PACRG: variants seen among roughly 807,000 people sequenced by gnomAD.
The protein encoded by PACRG is parkin coregulated, also known as parkin coregulated gene protein.
Under a neutral mutation model 29.7 loss-of-function variants are expected in PACRG, and 29 were observed. The ratio of observed to expected loss-of-function variants is 0.98; its 90% CI spans 0.73 to 1.33. The LOEUF is 1.33. PACRG is among the 40% of genes most tolerant of loss of function. The probability of loss-of-function intolerance (pLI) is 0.00; values close to 1 mark genes in which losing one functional copy is unlikely to be tolerated. For missense variants in PACRG, 279 were observed against 316.2 expected, an observed-to-expected ratio of 0.88 and a Z score of 0.89; for synonymous variants, 116 against 118.7, an observed-to-expected ratio of 0.98 and a Z score of 0.15.
chr6:163,203,918 G>A (rs1424709373), intron 4 of PACRG, among the ~76,000 whole-genome samples: 3 of 152,300 alleles, frequency 2.0e-5, no homozygotes, highest in Non-Finnish European at 2.9e-5. Context: ...AGTTGTTGGC[G>A]GCATTTCATA....
chr6:163,028,147 T>C (rs995684689), intron 2 of PACRG, among the ~76,000 whole-genome samples: 1 of 152,168 alleles, frequency 6.6e-6, no homozygotes, highest in African/African-American at 2.4e-5. Flanking sequence ...GAAGTAAGTT[T>C]TATAAACAGC....
At chr6:162,744,866 C>A (rs1194245758) in intron 1 of PACRG, among the ~76,000 whole-genome samples, 2 of 151,796 alleles carry the variant, frequency 1.3e-5, no homozygotes, top group Non-Finnish European at 2.9e-5. Context: ...AATCAGAAAA[C>A]AATGGAGAAA....
At chr6:163,195,400 A>G (rs1329231356) in intron 4 of PACRG, among the ~76,000 whole-genome samples, 10 of 152,100 alleles carry the variant, frequency 6.6e-5, no homozygotes, top group Admixed American at 2.0e-4. Flanking sequence ...CTATCTCCTC[A>G]TGTGGGTTCT....
chr6:163,116,849 G>A (rs915125408), intron 4 of PACRG, among the ~76,000 whole-genome samples: 13 of 152,294 alleles, frequency 8.5e-5, no homozygotes, highest in Admixed American at 3.3e-4. Context: ...TGGTGATGCC[G>A]TTTTCAGCAC....
At chr6:163,274,162 T>C (rs1199763042) in intron 4 of PACRG, among the ~76,000 whole-genome samples, 4 of 152,208 alleles carry the variant, frequency 2.6e-5, no homozygotes, top group Admixed American at 6.5e-5. Flanking sequence ...GTAAATCTCC[T>C]AATGCTATCC....
chr6:162,742,377 C>T (rs545451879), intron 1 of PACRG, among the ~76,000 whole-genome samples: 6 of 152,272 alleles, frequency 3.9e-5, no homozygotes, highest in African/African-American at 1.4e-4. Context: ...TTTCGCCTTC[C>T]ACCATGATTG....
chr6:163,234,425 C>T (rs1028205799), intron 4 of PACRG, among the ~76,000 whole-genome samples: 1 of 152,154 alleles, frequency 6.6e-6, no homozygotes, highest in Non-Finnish European at 1.5e-5. Flanking sequence ...CTGCACACAC[C>T]AGCTCCCCTT....
chr6:163,211,573 A>C (rs1781143386), intron 4 of PACRG, among the ~76,000 whole-genome samples: 1 of 152,202 alleles, frequency 6.6e-6, no homozygotes, highest in African/African-American at 2.4e-5. Flanking sequence ...AAGCCTTTGG[A>C]CAAGAACACA....
chr6:162,799,805 G>A (rs1022120837), intron 1 of PACRG, among the ~76,000 whole-genome samples: 17 of 152,172 alleles, frequency 1.1e-4, no homozygotes, highest in African/African-American at 3.1e-4. Context: ...AATGGTAATA[G>A]TCTCTTAATA....
intron 1 of PACRG, among the ~76,000 whole-genome samples, chr6:162,765,566 T>G (rs1782719675): frequency 6.6e-6 from 1 of 152,202 alleles, no homozygotes; most frequent in Non-Finnish European, 1.5e-5. Context: ...TTTAGCCTCT[T>G]GTTTGTACCA....
chr6:163,258,355 A>G (rs1783194745), intron 4 of PACRG, among the ~76,000 whole-genome samples: 1 of 152,170 alleles, frequency 6.6e-6, no homozygotes, highest in Admixed American at 6.5e-5. Flanking sequence ...ACCTTCCAGC[A>G]GACTCCTTTA....
chr6:162,970,047 T>G (rs1258726410), intron 2 of PACRG, among the ~76,000 whole-genome samples: 1 of 152,156 alleles, frequency 6.6e-6, no homozygotes, highest in African/African-American at 2.4e-5. Context: ...TTCTATAAAA[T>G]CAGTTGGACG....
At position 163,119,682 on chromosome 6, in the gene PACRG, T is replaced by C. The variant is rs146361703; in HGVS notation, c.613+30274T>C. Among the ~76,000 whole-genome samples, 794 of 152,332 alleles carry C rather than the reference T, an allele frequency of 5.2e-3. 8 individuals are homozygous for C. The highest frequency in any genetic ancestry group is 8.4e-3 in the Non-Finnish European group (569 of 68,028). On this transcript the variant is annotated intron_variant, in intron 4 of 4. Transcript: ENST00000366888. ...TGTTTATGAATCTTGTATTGAGTTG[T>C]TGAAGATGGTTAGGACAATTTAATG...
intron 4 of PACRG, among the ~76,000 whole-genome samples, chr6:163,231,465 C>T (rs772349921): frequency 2.6e-5 from 4 of 152,272 alleles, no homozygotes; most frequent in East Asian, 1.9e-4. Flanking sequence ...AGGAGAGCCC[C>T]GGGCTGCTCT....
chr6:162,952,534 A>G (rs1321880273), intron 2 of PACRG, among the ~76,000 whole-genome samples: 2 of 152,206 alleles, frequency 1.3e-5, no homozygotes, highest in African/African-American at 2.4e-5. Context: ...AATGAGCTTG[A>G]TCGTATCTCT....
At chr6:163,182,602 A>G (rs1779724888) in intron 4 of PACRG, 3 of 152,252 alleles carry the variant, frequency 2.0e-5, no homozygotes, top group African/African-American at 7.2e-5. Context: ...AAAGAATTTC[A>G]AAGTATTTCA....
chr6:162,829,271 G>T (rs1788539362), intron 2 of PACRG, among the ~76,000 whole-genome samples: 1 of 152,348 alleles, frequency 6.6e-6, no homozygotes, highest in South Asian at 2.1e-4. Context: ...GGCCTGGCCT[G>T]CAGGGAAGAC....
At chr6:163,295,311 G>A (rs1784747012) in intron 4 of PACRG, among the ~76,000 whole-genome samples, 1 of 152,132 alleles carries the variant, frequency 6.6e-6, no homozygotes, top group Non-Finnish European at 1.5e-5. Flanking sequence ...CAGATTAGGG[G>A]GAGCTCCTGT....
chr6:162,953,944 A>G (rs1799838878), intron 2 of PACRG, among the ~76,000 whole-genome samples: 1 of 152,226 alleles, frequency 6.6e-6, no homozygotes, highest in Non-Finnish European at 1.5e-5. Flanking sequence ...ATCAAGATGG[A>G]ATATTAATGT....
Sources: allele counts gnomAD v4.1 joint callset (sites outside exome capture counted in the v4.1 genomes callset), GRCh38; gene constraint gnomAD v4.1.1; transcripts MANE v1.5; gene names NCBI Gene and HGNC (gene_info 2026-07-23, HGNC 2026-07-21).